CNTNAP2: variants seen among roughly 807,000 people sequenced by gnomAD.
CNTNAP2 encodes contactin-associated protein-like 2.
In CNTNAP2, 98 loss-of-function variants were observed where a neutral mutation model predicts 155.2. That is an observed-to-expected ratio of 0.63 (90% CI 0.54 to 0.75). The LOEUF is 0.75. CNTNAP2 is among the 30% of genes least tolerant of loss of function. CNTNAP2 has a pLI of 0.00. For missense variants in CNTNAP2, 1,727 were observed against 1,688.1 expected, an observed-to-expected ratio of 1.02 and a Z score of -0.40; for synonymous variants, 651 against 631.2, an observed-to-expected ratio of 1.03 and a Z score of -0.47.
At chr7:147,217,456 A>G (rs1803300204) in intron 8 of CNTNAP2, among the ~76,000 whole-genome samples, 1 of 151,966 alleles carries the variant, frequency 6.6e-6, no homozygotes, top group Non-Finnish European at 1.5e-5. Context: ...GATTACATTA[A>G]TTGATTTTTA....
intron 1 of CNTNAP2, among the ~76,000 whole-genome samples, chr7:146,632,422 A>G (rs1324308829): frequency 6.6e-6 from 1 of 152,160 alleles, no homozygotes; most frequent in Non-Finnish European, 1.5e-5. Flanking sequence ...ATATACTGGC[A>G]TCCAATAATA....
intron 13 of CNTNAP2, among the ~76,000 whole-genome samples, chr7:147,706,059 A>G (rs1796309903): frequency 6.6e-6 from 1 of 151,934 alleles, no homozygotes; most frequent in South Asian, 2.1e-4. Context: ...GTTATTGTTA[A>G]TATATAAAAG....
chr7:147,180,118 C>A (rs1175014220), intron 8 of CNTNAP2, among the ~76,000 whole-genome samples: 1 of 152,084 alleles, frequency 6.6e-6, no homozygotes, highest in African/African-American at 2.4e-5. Flanking sequence ...ACTAAGGGAC[C>A]AGGAAGGTGC....
At chr7:147,684,501 T>C (rs1795991552) in intron 13 of CNTNAP2, among the ~76,000 whole-genome samples, 1 of 151,944 alleles carries the variant, frequency 6.6e-6, no homozygotes, top group Admixed American at 6.6e-5. Context: ...GGGAATTCTT[T>C]GTACTGGCAA....
At chr7:147,404,988 T>A (rs1796981538) in intron 10 of CNTNAP2, among the ~76,000 whole-genome samples, 1 of 152,192 alleles carries the variant, frequency 6.6e-6, no homozygotes, top group African/African-American at 2.4e-5. Flanking sequence ...AATTAGCCAT[T>A]TTAAGATTCA....
chr7:146,547,576 A>G (rs1798047407), intron 1 of CNTNAP2, among the ~76,000 whole-genome samples: 2 of 151,936 alleles, frequency 1.3e-5, no homozygotes, highest in Admixed American at 1.3e-4. Flanking sequence ...GAAATCATGC[A>G]GGATTTGTCT....
intron 1 of CNTNAP2, among the ~76,000 whole-genome samples, chr7:146,644,145 C>A (rs1412479943): frequency 6.6e-6 from 1 of 152,158 alleles, no homozygotes; most frequent in Non-Finnish European, 1.5e-5. Context: ...TAATTGAATA[C>A]CCTTTATTTC....
intron 21 of CNTNAP2, among the ~76,000 whole-genome samples, chr7:148,302,813 C>CTTTTTTTTTTTTTTTTTTT (rs59354674): frequency 1.2e-5 from 1 of 86,916 alleles, no homozygotes; most frequent in Non-Finnish European, 2.0e-5. Context: ...CTCGATTATT[C>CTTTTTTTTTTTTTTTTTTT]TTTTTTTTTT....
intron 3 of CNTNAP2, among the ~76,000 whole-genome samples, chr7:146,982,309 T>C (rs564914738): frequency 7.3e-4 from 111 of 152,172 alleles, no homozygotes; most frequent in African/African-American, 2.5e-3. Flanking sequence ...TTTAAAAATA[T>C]ATAATATATA....
At chr7:147,893,760 G>T (rs1486652909) in intron 13 of CNTNAP2, among the ~76,000 whole-genome samples, 3 of 152,142 alleles carry the variant, frequency 2.0e-5, no homozygotes, top group African/African-American at 7.2e-5. Context: ...TCATCCTCCT[G>T]TAAGGATCCT....
chr7:148,186,813 A>G (rs904405585), intron 18 of CNTNAP2, among the ~76,000 whole-genome samples: 4 of 152,122 alleles, frequency 2.6e-5, no homozygotes, highest in East Asian at 1.9e-4. Context: ...CAAAGTCTCA[A>G]TGGCCCTTAA....
intron 3 of CNTNAP2, 45 bp downstream of exon 3, chr7:146,839,949 A>G (rs1388600861): frequency 1.3e-6 from 2 of 1,597,360 alleles, no homozygotes; most frequent in African/African-American, 2.7e-5. Context: ...TGGATTGGAA[A>G]TATTAGAAAA....
chr7:148,337,046 C>G (rs1271787082), intron 21 of CNTNAP2, among the ~76,000 whole-genome samples: 1 of 110,664 alleles, frequency 9.0e-6, no homozygotes, highest in Non-Finnish European at 2.1e-5. Context: ...AATGGAGTGG[C>G]AATCATTTAT....
intron 10 of CNTNAP2, among the ~76,000 whole-genome samples, chr7:147,402,013 C>T (rs1236694755): frequency 6.6e-6 from 1 of 152,178 alleles, no homozygotes; most frequent in Non-Finnish European, 1.5e-5. Context: ...ATGAAGAAAA[C>T]ATGTAACATT....
At chr7:146,730,158 A>G (rs1801498804) in intron 1 of CNTNAP2, among the ~76,000 whole-genome samples, 2 of 152,196 alleles carry the variant, frequency 1.3e-5, no homozygotes, top group South Asian at 4.1e-4. Flanking sequence ...ATCAAAAGAA[A>G]CATACTGAGA....
intron 1 of CNTNAP2, among the ~76,000 whole-genome samples, chr7:146,507,919 G>A (rs548963425): frequency 1.1e-4 from 16 of 152,266 alleles, no homozygotes; most frequent in Admixed American, 7.8e-4. Flanking sequence ...GCTCTCTGGT[G>A]TGATGTCAAT....
At chr7:148,280,698 C>T (rs954931234) in intron 21 of CNTNAP2, among the ~76,000 whole-genome samples, 31 of 152,180 alleles carry the variant, frequency 2.0e-4, no homozygotes, top group African/African-American at 7.2e-4. Context: ...GCAGGTGGAT[C>T]GCCTCAGGTC....
chr7:147,979,243 C>T (rs534361372), intron 15 of CNTNAP2, among the ~76,000 whole-genome samples: 4 of 152,274 alleles, frequency 2.6e-5, no homozygotes, highest in African/African-American at 7.2e-5. Flanking sequence ...ATCTTTATCA[C>T]GCACTTATTG....
intron 1 of CNTNAP2, among the ~76,000 whole-genome samples, chr7:146,569,327 G>T (rs1343764208): frequency 6.6e-6 from 1 of 152,160 alleles, no homozygotes; most frequent in Non-Finnish European, 1.5e-5. Context: ...CCTCTCTGTG[G>T]TTACTTCTAA....
Sources: gnomAD v4.1 joint callset for allele counts (sites outside exome capture counted in the v4.1 genomes callset) on GRCh38, gnomAD v4.1.1 for gene constraint, MANE v1.5 for transcripts, NCBI Gene and HGNC (gene_info 2026-07-23, HGNC 2026-07-21) for gene names.